The following AGBL2 variants were observed in gnomAD, a reference collection of about 807,000 sequenced individuals.
AGBL2 encodes cytosolic carboxypeptidase 2.
Under a neutral mutation model 103.0 loss-of-function variants are expected in AGBL2, and 87 were observed. The ratio of observed to expected loss-of-function variants is 0.84; its 90% CI spans 0.71 to 1.01. The LOEUF (loss-of-function observed/expected upper bound fraction) is 1.01. AGBL2 is among the 50% of genes least tolerant of loss of function. AGBL2 has a pLI of 0.00. For missense variants in AGBL2, 904 were observed against 1,023.5 expected (o/e 0.88, Z 1.59); for synonymous variants, 335 against 356.7 (o/e 0.94, Z 0.69).
At chr11:47,680,555 C>T (rs897299271) in intron 12 of AGBL2, among the ~76,000 whole-genome samples, 2 of 152,150 alleles carry the variant, frequency 1.3e-5, no homozygotes, top group African/African-American at 4.8e-5. Context: ...AAGGCAGGCC[C>T]TTCACTTGAG....
chr11:47,673,437 C>G (rs1023612968), intron 14 of AGBL2, among the ~76,000 whole-genome samples: 31 of 151,742 alleles, frequency 2.0e-4, no homozygotes, highest in Admixed American at 1.6e-3. Flanking sequence ...ACCAGCCTGA[C>G]CAATATGAGT....
chr11:47,672,337 C>G lies in AGBL2; in HGVS notation c.2148-3430G>C, dbSNP rs556559272. Among the ~76,000 whole-genome samples the G allele has an allele frequency of 1.3e-4, 19 of 150,796 alleles. No individual in the cohort carries two copies. The South Asian group carries it at 4.0e-3, about 32-fold the overall frequency. On this transcript the variant is annotated intron_variant, in intron 14 of 18. Transcript: ENST00000525123. ...CAGAGCACACTTTTTTTTTTTGAGACAGGGTCTCGCTGTGTCGCTCAGGTT... is the reference window on the plus strand; with the variant it reads ...CAGAGCACACTTTTTTTTTTTGAGAGAGGGTCTCGCTGTGTCGCTCAGGTT...
chr11:47,692,334 A>C, intron 8 of AGBL2, 78 bp from the exon 9 acceptor site: 1 of 1,191,824 alleles, frequency 8.4e-7, no homozygotes, highest in Admixed American at 1.8e-5. Context: ...GGCCCCTCTA[A>C]GTGGTCAACA....
chr11:47,676,944 A>G (rs1490979649), intron 14 of AGBL2, among the ~76,000 whole-genome samples: 1 of 152,084 alleles, frequency 6.6e-6, no homozygotes, highest in Non-Finnish European at 1.5e-5. Flanking sequence ...ACAAGGCCCT[A>G]CACAAACTGC....
intron 17 of AGBL2, among the ~76,000 whole-genome samples, chr11:47,664,944 G>A (rs1283530653): frequency 1.3e-5 from 2 of 150,214 alleles, no homozygotes; most frequent in Non-Finnish European, 3.0e-5. Context: ...TGCAGTGGTA[G>A]GATCACAGCT....
Position 47,714,336 on chromosome 11 carries a change from A to G in AGBL2, c.45T>C (p.Asp15=), listed in dbSNP as rs1358114875. 5 of 1,612,892 alleles carry G rather than the reference A, an allele frequency of 3.1e-6. No homozygotes were observed. The East Asian group carries it at 8.9e-5, about 29-fold the overall frequency. Residue 15 remains aspartate, a synonymous_variant, in exon 3 of 19, where the codon GAT becomes GAC. Transcript: ENST00000525123. ...GACGGTACATAAAGTCTTCATAAGG[A>G]TCAGGAATAGTCTGTGAAAGGAAAG... ...LETHLKQTIP[D]PYEDFMYRHL...
At position 47,660,135 on chromosome 11, in the gene AGBL2, C is replaced by A; in HGVS notation, c.*38G>T. 1 of 1,568,882 alleles carries A rather than the reference C, an allele frequency of 6.4e-7. No individual in the cohort carries two copies. The highest frequency in any genetic ancestry group is 8.6e-7 in the Non-Finnish European group (1 of 1,158,468). ...TATAAAATGTGTCTAATCTCAAAAC[C>A]CCCGATGAAGTGCTTGTGTGGCACA... On this transcript the variant is annotated 3_prime_UTR_variant, in exon 19 of 19. Coordinates refer to ENST00000525123, the MANE Select transcript of AGBL2 (RefSeq NM_024783.4).
intron 14 of AGBL2, among the ~76,000 whole-genome samples, chr11:47,672,678 A>G (rs1013197417): frequency 2.6e-5 from 4 of 152,100 alleles, no homozygotes; most frequent in African/African-American, 4.8e-5. Context: ...TGAGTTAGGC[A>G]TAGGATTCTG....
intron 6 of AGBL2, chr11:47,704,961 G>A (rs1373729221): frequency 8.2e-6 from 3 of 365,804 alleles, no homozygotes; most frequent in South Asian, 9.1e-5. Flanking sequence ...AAGCTTTAGG[G>A]TAAATTAAAA....
chr11:47,682,108 C>A lies in AGBL2; in HGVS notation c.1789-13G>T. On this transcript the variant is annotated splice_polypyrimidine_tract_variant and intron_variant, in intron 11 of 18. Coordinates refer to ENST00000525123, the MANE Select transcript of AGBL2 (RefSeq NM_024783.4). ...TGTGAAAAGAGAACTAAAAAGAAATCCAAATTTTCTGTTAATCATAAATCA... is the reference window on the plus strand; with the variant it reads ...TGTGAAAAGAGAACTAAAAAGAAATACAAATTTTCTGTTAATCATAAATCA... 6.2e-7 allele frequency: 1 copy of A among 1,610,130 alleles called. No homozygotes were observed. Among genetic ancestry groups the A allele is most frequent in the Non-Finnish European group, 8.5e-7 (1 of 1,177,528 alleles).
At position 47,714,644 on chromosome 11, in the gene AGBL2, G is replaced by A. The variant is rs761005654; in HGVS notation, c.7C>T (p.Pro3Ser). ...TGCTTTAGGTGCGTTTCCAAAGCTG[G>A]GAACATGTTACTTCTGGATGGTAGG... MFPALETHLKQTI... is the reference protein window; with the variant it reads MFSALETHLKQTI... Residue 3 changes from proline (P) to serine (S), a missense_variant, in exon 2 of 19, where the codon CCA (proline) becomes TCA (serine). By Grantham distance (74) the Pro-to-Ser change is moderately conservative. Transcript: ENST00000525123. 5.6e-6 allele frequency: 9 copies of A among 1,613,834 alleles called. No individual in the cohort carries two copies. The highest frequency in any genetic ancestry group is 7.6e-6 in the Non-Finnish European group (9 of 1,179,982).
intron 3 of AGBL2, 120 bp from the exon 4 acceptor site, chr11:47,710,631 A>T: frequency 2.6e-6 from 3 of 1,145,078 alleles, no homozygotes; most frequent in Non-Finnish European, 3.9e-6. Flanking sequence ...CTTTGCAATG[A>T]ATACACTGCA....
At chr11:47,680,576 C>G (rs141312581) in intron 12 of AGBL2, among the ~76,000 whole-genome samples, 5,048 of 152,222 alleles carry the variant, frequency 0.033, 293 homozygotes, top group African/African-American at 0.12. Flanking sequence ...CCTAGGAGTT[C>G]GAGACTAGCC....
intron 7 of AGBL2, among the ~76,000 whole-genome samples, chr11:47,700,857 C>T (rs180773352): frequency 6.6e-6 from 1 of 151,500 alleles, no homozygotes. Context: ...GTCAGGAGAT[C>T]GAGACCAGCC....
intron 18 of AGBL2, among the ~76,000 whole-genome samples, chr11:47,661,956 C>T (rs139808394): frequency 1.3e-4 from 20 of 152,054 alleles, no homozygotes; most frequent in African/African-American, 4.6e-4. Flanking sequence ...ACCATGTTGG[C>T]CAGGCTGGTC....
At chr11:47,671,846 T>A (rs1368342330) in intron 14 of AGBL2, among the ~76,000 whole-genome samples, 1 of 152,190 alleles carries the variant, frequency 6.6e-6, no homozygotes, top group Non-Finnish European at 1.5e-5. Flanking sequence ...AAGCAGTATG[T>A]CCCAGAAAGT....
intron 3 of AGBL2, 55 bp downstream of exon 3, chr11:47,714,229 G>T: frequency 7.1e-7 from 1 of 1,402,424 alleles, no homozygotes; most frequent in Non-Finnish European, 1.0e-6. Flanking sequence ...AGCTAACGAA[G>T]CAATTTTCCT....
chr11:47,701,133 A>T (rs911058323), intron 7 of AGBL2, among the ~76,000 whole-genome samples: 1 of 152,044 alleles, frequency 6.6e-6, no homozygotes, highest in Non-Finnish European at 1.5e-5. Flanking sequence ...TTTGTTAATA[A>T]GTTTCTTTGA....
Position 47,667,564 on chromosome 11 carries a change from T to C in AGBL2, c.2340+7A>G, listed in dbSNP as rs370219080. On this transcript the variant is annotated splice_region_variant and intron_variant, in intron 16 of 18. Coordinates refer to ENST00000525123, the MANE Select transcript of AGBL2 (RefSeq NM_024783.4). ...GACAGTAGAAATAGCCAGCAAGTCT[T>C]TCTTACTGAGGTATCTTCTGTTAAC... 1.1e-5 allele frequency: 18 copies of C among 1,612,920 alleles called. No individual in the cohort carries two copies. In the African/African-American group the frequency reaches 1.9e-4, roughly 17 times the overall value.
Sources: allele counts gnomAD v4.1 joint callset (sites outside exome capture counted in the v4.1 genomes callset), GRCh38; gene constraint gnomAD v4.1.1; transcripts MANE v1.5; gene names NCBI Gene and HGNC (gene_info 2026-07-23, HGNC 2026-07-21).